The following CACNA2D3 variants were observed in gnomAD, a reference collection of about 807,000 sequenced individuals.
The protein encoded by CACNA2D3 is voltage-dependent calcium channel subunit alpha-2/delta-3.
CACNA2D3 carries 60 observed loss-of-function variants against 160.6 expected under a neutral mutation model. The observed-to-expected ratio is 0.37, with a 90% confidence interval of 0.30 to 0.46. The LOEUF (loss-of-function observed/expected upper bound fraction) is 0.46, where lower values mean the gene tolerates loss of function less well. Among genes scored for constraint, CACNA2D3 ranks in the 20% least tolerant of loss-of-function variants. The pLI, the probability that CACNA2D3 is intolerant of heterozygous loss-of-function variation, is 1.00. For synonymous variants in CACNA2D3, 558 were observed against 492.9 expected (o/e 1.13, Z -1.75); for missense variants, 1,205 against 1,365.0 (o/e 0.88, Z 1.85).
chr3:54,203,082 C>A (rs1237732647), intron 2 of CACNA2D3, among the ~76,000 whole-genome samples: 1 of 152,124 alleles, frequency 6.6e-6, no homozygotes, highest in Non-Finnish European at 1.5e-5. Flanking sequence ...CACGTGGTAC[C>A]CAGATAAGCA....
chr3:54,495,740 ACT>A (rs1314957497), intron 4 of CACNA2D3, among the ~76,000 whole-genome samples: 4 of 151,990 alleles, frequency 2.6e-5, no homozygotes, highest in Non-Finnish European at 5.9e-5. Flanking sequence ...ACAGAGTGAG[ACT>A]CTGTCTCAAA....
Position 54,918,441 on chromosome 3 carries a change from T to C in CACNA2D3, c.2449+18573T>C. The C allele has an allele frequency of 2.6e-6, 4 of 1,568,252 alleles. 1 individual carries two copies. Among genetic ancestry groups the C allele is most frequent in the Non-Finnish European group, 3.5e-6 (4 of 1,148,094 alleles). Reference sequence around the variant, plus strand: ...TCTTCTGGCCTGCAATGACCAATCCTATTTGAGACAAAAGCTCTCAGGCTG... The same window carrying C: ...TCTTCTGGCCTGCAATGACCAATCCCATTTGAGACAAAAGCTCTCAGGCTG... On this transcript the variant is annotated intron_variant, in intron 27 of 37. Coordinates refer to ENST00000474759, the MANE Select transcript of CACNA2D3 (RefSeq NM_018398.3).
At chr3:54,203,311 C>T (rs1332256631) in intron 2 of CACNA2D3, among the ~76,000 whole-genome samples, 2 of 152,164 alleles carry the variant, frequency 1.3e-5, no homozygotes, top group Non-Finnish European at 2.9e-5. Context: ...TTGCTCAAAC[C>T]TCTAGGGGAG....
intron 3 of CACNA2D3, among the ~76,000 whole-genome samples, chr3:54,336,004 C>CAAAA (rs60465412): frequency 7.4e-4 from 55 of 74,446 alleles, no homozygotes; most frequent in Middle Eastern, 8.3e-3. Flanking sequence ...GACTCCGTCT[C>CAAAA]AAAAAAAAAA....
At chr3:54,306,388 C>A (rs2107495192) in intron 2 of CACNA2D3, among the ~76,000 whole-genome samples, 1 of 152,306 alleles carries the variant, frequency 6.6e-6, no homozygotes, top group Admixed American at 6.5e-5. Flanking sequence ...CTTCAGACCA[C>A]CATAGAAATG....
chr3:54,919,984 T>A (rs1250926538), intron 27 of CACNA2D3, among the ~76,000 whole-genome samples: 1 of 152,126 alleles, frequency 6.6e-6, no homozygotes, highest in African/African-American at 2.4e-5. Flanking sequence ...CACTGTCTGC[T>A]AGGAAGCCTT....
intron 35 of CACNA2D3, among the ~76,000 whole-genome samples, chr3:55,034,461 A>C (rs1442224101): frequency 6.6e-6 from 1 of 152,000 alleles, no homozygotes; most frequent in Non-Finnish European, 1.5e-5. Flanking sequence ...TATAGTAAGA[A>C]AATTAACCAT....
Position 54,627,783 on chromosome 3 carries a change from T to C in CACNA2D3, c.964-4T>C. 1 of 1,603,774 alleles carries C rather than the reference T, an allele frequency of 6.2e-7. No individual in the cohort carries two copies. Among genetic ancestry groups the C allele is most frequent in the East Asian group, 2.2e-5 (1 of 44,778 alleles). ...CTAATGGATTTTCTGCTTTGCTGTT[T>C]CAGCACTTCAGGGAGCATCTGGACA... On this transcript the variant is annotated splice_polypyrimidine_tract_variant and splice_region_variant and intron_variant, in intron 9 of 37. Coordinates refer to ENST00000474759, the MANE Select transcript of CACNA2D3 (RefSeq NM_018398.3).
intron 27 of CACNA2D3, among the ~76,000 whole-genome samples, chr3:54,952,806 ATATC>A (rs1291776424): frequency 3.3e-5 from 5 of 152,250 alleles, no homozygotes; most frequent in South Asian, 2.1e-4. Context: ...GACAATGACA[ATATC>A]TATCTATGAG....
intron 17 of CACNA2D3, among the ~76,000 whole-genome samples, chr3:54,854,578 C>T (rs751375020): frequency 4.6e-5 from 7 of 152,036 alleles, no homozygotes; most frequent in Non-Finnish European, 7.4e-5. Flanking sequence ...GTGCCAGGCG[C>T]CGCAGCACCC....
At chr3:54,541,074 G>A (rs1701966332) in intron 5 of CACNA2D3, among the ~76,000 whole-genome samples, 4 of 151,896 alleles carry the variant, frequency 2.6e-5, no homozygotes, top group African/African-American at 9.7e-5. Flanking sequence ...TCAGGATATT[G>A]AGACCATCCT....
At chr3:54,291,786 T>C (rs898577332) in intron 2 of CACNA2D3, among the ~76,000 whole-genome samples, 3 of 152,166 alleles carry the variant, frequency 2.0e-5, no homozygotes, top group African/African-American at 7.2e-5. Context: ...GCTGAACAGA[T>C]TCGAAGTGTA....
At chr3:54,924,993 A>T in intron 27 of CACNA2D3, 2 of 1,613,954 alleles carry the variant, frequency 1.2e-6, no homozygotes, top group Non-Finnish European at 1.7e-6. Context: ...GTTTAAGGTC[A>T]TGAGCCATGG....
intron 3 of CACNA2D3, among the ~76,000 whole-genome samples, chr3:54,323,102 A>T (rs1704041904): frequency 6.6e-6 from 1 of 152,136 alleles, no homozygotes; most frequent in Non-Finnish European, 1.5e-5. Context: ...GATGGTAGAG[A>T]TGGGCCTTGT....
Position 54,899,878 on chromosome 3 carries a change from T to C in CACNA2D3, c.2449+10T>C. 1 of 1,576,034 alleles carries C rather than the reference T, an allele frequency of 6.3e-7. No homozygotes were observed. Among genetic ancestry groups the C allele is most frequent in the East Asian group, 2.3e-5 (1 of 43,904 alleles). On this transcript the variant is annotated intron_variant, in intron 27 of 37. Transcript: ENST00000474759. Reference sequence around the variant, plus strand: ...TCTCCTGTGGTGGCAGGTAAATAATTGATTGAATCCATGAAGACAAAGTAA... The same window carrying C: ...TCTCCTGTGGTGGCAGGTAAATAATCGATTGAATCCATGAAGACAAAGTAA...
intron 27 of CACNA2D3, among the ~76,000 whole-genome samples, chr3:54,961,418 T>G (rs983409737): frequency 6.6e-5 from 10 of 152,204 alleles, no homozygotes; most frequent in Non-Finnish European, 1.5e-4. Flanking sequence ...AGCAGGTAAT[T>G]TATTTATTAT....
At chr3:55,028,452 AAAC>A (rs1374831669) in intron 35 of CACNA2D3, among the ~76,000 whole-genome samples, 7 of 152,176 alleles carry the variant, frequency 4.6e-5, no homozygotes, top group African/African-American at 1.7e-4. Context: ...CAGCAATCGA[AAAC>A]AACTCAGCCC....
chr3:54,171,136 C>CTTTTTTTTTTTTTTTTTTTTTTTTTTTTT lies in CACNA2D3; in HGVS notation c.204+47564_204+47565insTTTTTTTTTTTTTTTTTTTTTTTTTTTTT, dbSNP rs57761171. On this transcript the variant is annotated intron_variant, in intron 2 of 37. Transcript: ENST00000474759. Reference sequence around the variant, plus strand: ...TCTGTTTACATTTTAAAGATGATGACTTTTTTTTTTTTTTTTTTTTTTAGG... The same window carrying CTTTTTTTTTTTTTTTTTTTTTTTTTTTTT: ...TCTGTTTACATTTTAAAGATGATGACTTTTTTTTTTTTTTTTTTTTTTTTTTTTTTTTTTTTTTTTTTTTTTTTTTTAGG... Among the ~76,000 whole-genome samples, 19 of 62,558 alleles carry CTTTTTTTTTTTTTTTTTTTTTTTTTTTTT rather than the reference C, an allele frequency of 3.0e-4. 5 individuals carry two copies. The highest frequency in any genetic ancestry group is 4.1e-4 in the Non-Finnish European group (14 of 33,972). The allele number at this position is 62,558 out of a possible 152,430, so 41.0% of individuals were successfully genotyped here.
intron 13 of CACNA2D3, among the ~76,000 whole-genome samples, chr3:54,772,160 G>A (rs1172774095): frequency 6.7e-6 from 1 of 148,346 alleles, no homozygotes; most frequent in African/African-American, 2.5e-5. Context: ...TATCTAGTAT[G>A]TTTGGACACT....
Sources: gnomAD v4.1 joint callset for allele counts (sites outside exome capture counted in the v4.1 genomes callset) on GRCh38, gnomAD v4.1.1 for gene constraint, MANE v1.5 for transcripts, NCBI Gene and HGNC (gene_info 2026-07-23, HGNC 2026-07-21) for gene names.